Variants in SHMT1 observed in about 807,000 individuals in gnomAD.
The protein encoded by SHMT1 is serine hydroxymethyltransferase, cytosolic.
Under a neutral mutation model 49.0 loss-of-function variants are expected in SHMT1, and 45 were observed. The ratio of observed to expected loss-of-function variants is 0.92; its 90% CI spans 0.72 to 1.18. The LOEUF (loss-of-function observed/expected upper bound fraction) is 1.18, where lower values mean the gene tolerates loss of function less well. Ranked by LOEUF, SHMT1 falls within the 50% of genes most tolerant of loss-of-function variation. The pLI is 0.00. For synonymous variants in SHMT1, 232 were observed against 246.6 expected, an observed-to-expected ratio of 0.94 and a Z score of 0.55; for missense variants, 541 against 612.4, an observed-to-expected ratio of 0.88 and a Z score of 1.23.
At chr17:18,361,530 G>GT (rs1472919519) in intron 1 of SHMT1, among the ~76,000 whole-genome samples, 1 of 151,344 alleles carries the variant, frequency 6.6e-6, no homozygotes, top group African/African-American at 2.4e-5. Flanking sequence ...GCTCACATCT[G>GT]TAATCCCAGC....
chr17:18,351,948 C>T (rs1251155950), intron 3 of SHMT1, among the ~76,000 whole-genome samples: 2 of 152,006 alleles, frequency 1.3e-5, no homozygotes, highest in Middle Eastern at 3.2e-3. Context: ...TGGGCTCAAG[C>T]GATACTCCAC....
In SHMT1 at chr17:18,354,737, C is replaced by G. The variant is rs1986054678; in HGVS notation, c.97-920G>C. On this transcript the variant is annotated intron_variant, in intron 2 of 11. Coordinates refer to ENST00000316694, the MANE Select transcript of SHMT1 (RefSeq NM_004169.5). Reference sequence around the variant, plus strand: ...TGAACCTTATTCCTTGTTCTTCTTCCTTAAAAGAAAAGATGCTTTAGGCCG... The same window carrying G: ...TGAACCTTATTCCTTGTTCTTCTTCGTTAAAAGAAAAGATGCTTTAGGCCG... 3.3e-5 allele frequency among the ~76,000 whole-genome samples: 5 copies of G among 151,798 alleles called. 1 individual carries two copies. The South Asian group carries it at 1.0e-3, about 32-fold the overall frequency.
chr17:18,334,787 G>C (rs559741112), intron 8 of SHMT1, among the ~76,000 whole-genome samples: 1 of 152,152 alleles, frequency 6.6e-6, no homozygotes, highest in Non-Finnish European at 1.5e-5. Flanking sequence ...CTGGGGATGG[G>C]GTGATCCCTG....
intron 1 of SHMT1, among the ~76,000 whole-genome samples, chr17:18,362,800 A>G (rs978715291): frequency 6.6e-6 from 1 of 152,152 alleles, no homozygotes; most frequent in African/African-American, 2.4e-5. Flanking sequence ...TTTGTCTCCT[A>G]GAACAGGGGG....
chr17:18,362,743 G>T (rs750684946), intron 1 of SHMT1, among the ~76,000 whole-genome samples: 1 of 152,178 alleles, frequency 6.6e-6, no homozygotes, highest in African/African-American at 2.4e-5. Flanking sequence ...CTTAACTCCC[G>T]GAATCTCGAA....
Position 18,328,658 on chromosome 17 carries a change from C to T in SHMT1, c.*92G>A. ...AAGGGCCCGAGTGTCAACAGTTCCC[C>T]TTTGGAGCAGCTCATCCATCTCTCA... On this transcript the variant is annotated 3_prime_UTR_variant, in exon 12 of 12. Coordinates refer to ENST00000316694, the MANE Select transcript of SHMT1 (RefSeq NM_004169.5). 7.0e-7 allele frequency: 1 copy of T among 1,421,038 alleles called. No homozygotes were observed. The highest frequency in any genetic ancestry group is 1.2e-5 in the South Asian group (1 of 81,396). 88.0% of individuals were successfully genotyped at this position (1,421,038 alleles called of 1,614,324 possible).
At chr17:18,356,081 T>C in intron 1 of SHMT1, 81 bp from the exon 2 acceptor site, 1 of 684,664 alleles carries the variant, frequency 1.5e-6, no homozygotes, top group Non-Finnish European at 2.4e-6. Context: ...TTTTGAGATG[T>C]AGTCTTTGTT....
intron 1 of SHMT1, among the ~76,000 whole-genome samples, chr17:18,362,291 T>C (rs1022634548): frequency 6.6e-6 from 1 of 152,038 alleles, no homozygotes. Flanking sequence ...TAAATTTACG[T>C]TATTTCTTTT....
At chr17:18,353,515 G>C in intron 3 of SHMT1, 157 bp downstream of exon 3, 1 of 817,714 alleles carries the variant, frequency 1.2e-6, no homozygotes, top group Non-Finnish European at 2.2e-6. Context: ...TCACATGCTG[G>C]GAATAAAAGA....
At chr17:18,328,954 T>G in intron 11 of SHMT1, 35 bp from the exon 12 acceptor site, 4 of 1,612,392 alleles carry the variant, frequency 2.5e-6, no homozygotes, top group Non-Finnish European at 3.4e-6. Flanking sequence ...CACCCCACAC[T>G]ACACACCAAA....
intron 4 of SHMT1, 152 bp downstream of exon 4, chr17:18,348,173 G>A (rs1004805101): frequency 1.6e-5 from 11 of 680,198 alleles, no homozygotes; most frequent in African/African-American, 1.1e-4. Context: ...GCCTGCCTCC[G>A]CCTCCCAAAG....
At chr17:18,332,734 G>T (rs1043047903) in intron 9 of SHMT1, 2 of 303,172 alleles carry the variant, frequency 6.6e-6, no homozygotes, top group African/African-American at 4.3e-5. Context: ...GGAATATGCA[G>T]GAAACTGGGA....
Position 18,340,905 on chromosome 17 carries a change from C to T in SHMT1, c.520-92G>A. 1 of 889,886 alleles carries T rather than the reference C, an allele frequency of 1.1e-6. No homozygotes were observed. Among genetic ancestry groups the T allele is most frequent in the African/African-American group, 1.7e-5 (1 of 60,462 alleles). The allele number at this position is 889,886 out of a possible 1,614,324, so 55.1% of individuals were successfully genotyped here. ...CTTGAACTGGCTCCACCCACCATGA[C>T]AAGAGGAATGATGTCCTAGATGAGG... On this transcript the variant is annotated intron_variant, in intron 5 of 11. Transcript: ENST00000316694. The surrounding 1 kb of genome is among the most constrained non-coding windows in gnomAD (Gnocchi z 4.5).
At chr17:18,333,005 G>A in intron 9 of SHMT1, 161 bp downstream of exon 9, 1 of 861,192 alleles carries the variant, frequency 1.2e-6, no homozygotes, top group Non-Finnish European at 1.9e-6. Flanking sequence ...GAGGCAGGGG[G>A]AGGCTTTCCA....
rs780579355 is a variant in SHMT1 at position 18,340,700 on chromosome 17, T to C, written c.601+32A>G. 1 of 1,587,434 alleles carries C rather than the reference T, an allele frequency of 6.3e-7. No homozygotes were observed. Among genetic ancestry groups the C allele is most frequent in the African/African-American group, 1.3e-5 (1 of 74,392 alleles). ...TCTGTAAGAGGCACCAGGCTACTGG[T>C]GAACAAGGTGACTTTCCGCCCCGCG... On this transcript the variant is annotated intron_variant, in intron 6 of 11. Coordinates refer to ENST00000316694, the MANE Select transcript of SHMT1 (RefSeq NM_004169.5). The surrounding 1 kb of genome is among the most constrained non-coding windows in gnomAD (Gnocchi z 4.5).
In SHMT1 at chr17:18,328,928, C is replaced by G. The variant is rs763762145; in HGVS notation, c.1283-9G>C. ...CAGGGTCAGCTCTATCCCTGTGCCA[C>G]AAGACACAAATGAGTCACCCCACAC... On this transcript the variant is annotated splice_polypyrimidine_tract_variant and intron_variant, in intron 11 of 11. Coordinates refer to ENST00000316694, the MANE Select transcript of SHMT1 (RefSeq NM_004169.5). The G allele has an allele frequency of 1.9e-6, 3 of 1,613,684 alleles. No individual in the cohort carries two copies. Among genetic ancestry groups the G allele is most frequent in the East Asian group, 4.5e-5 (2 of 44,878 alleles).
intron 3 of SHMT1, among the ~76,000 whole-genome samples, chr17:18,351,024 C>T (rs531211615): frequency 1.3e-5 from 2 of 152,214 alleles, no homozygotes; most frequent in Non-Finnish European, 2.9e-5. Flanking sequence ...TGAACCACCA[C>T]GCCTTGCCTA....
At chr17:18,348,237 G>T in intron 4 of SHMT1, 88 bp downstream of exon 4, 1 of 899,868 alleles carries the variant, frequency 1.1e-6, no homozygotes, top group Non-Finnish European at 1.8e-6. Context: ...GTCCATGGCA[G>T]TCCATCTTAG....
intron 5 of SHMT1, among the ~76,000 whole-genome samples, chr17:18,346,574 GTGGCAA>G (rs1198273337): frequency 1.3e-5 from 2 of 152,288 alleles, no homozygotes; most frequent in East Asian, 1.9e-4. Context: ...GTGCAGTGGG[GTGGCAA>G]TGGCAATGGG....
Sources: allele counts gnomAD v4.1 joint callset (sites outside exome capture counted in the v4.1 genomes callset), GRCh38; gene constraint gnomAD v4.1.1; non-coding constraint Gnocchi (gnomAD v3.1); transcripts MANE v1.5; gene names NCBI Gene and HGNC (gene_info 2026-07-23, HGNC 2026-07-21).